The following TMC5 variants were observed in gnomAD, a reference collection of about 807,000 sequenced individuals.
The protein encoded by TMC5 is transmembrane channel-like protein 5.
A neutral mutation model predicts 110.5 loss-of-function variants in TMC5; 86 were observed. The ratio of observed to expected loss-of-function variants is 0.78; its 90% CI spans 0.65 to 0.93. The LOEUF (loss-of-function observed/expected upper bound fraction) is 0.93, where lower values mean the gene tolerates loss of function less well. Ranked by LOEUF, TMC5 falls within the 40% of genes least tolerant of loss-of-function variation. The pLI, the probability that TMC5 is intolerant of heterozygous loss-of-function variation, is 0.00. For synonymous variants in TMC5, 455 were observed against 439.5 expected, an observed-to-expected ratio of 1.04 and a Z score of -0.44; for missense variants, 1,144 against 1,222.8, an observed-to-expected ratio of 0.94 and a Z score of 0.96.
chr16:19,434,463 T>TATAGATAGATAG (rs370245128), intron 2 of TMC5, among the ~76,000 whole-genome samples: 2 of 63,932 alleles, frequency 3.1e-5, no homozygotes, highest in Non-Finnish European at 3.3e-5. Flanking sequence ...TATCTATATC[T>TATAGATAGATAG]ATAGATAGAT....
intron 1 of TMC5, among the ~76,000 whole-genome samples, chr16:19,422,146 G>T (rs1292307415): frequency 6.6e-6 from 1 of 151,880 alleles, no homozygotes. Context: ...CAGGAGAATT[G>T]CTTGAACCTG....
At chr16:19,461,400 C>T (rs1181405212) in intron 6 of TMC5, among the ~76,000 whole-genome samples, 1 of 151,928 alleles carries the variant, frequency 6.6e-6, no homozygotes, top group African/African-American at 2.4e-5. Flanking sequence ...ATGGTGAAAC[C>T]TTGTCTCTAC....
At chr16:19,489,345 A>G (rs769535456) in intron 17 of TMC5, among the ~76,000 whole-genome samples, 49 of 150,288 alleles carry the variant, frequency 3.3e-4, no homozygotes, top group Non-Finnish European at 5.6e-4. Flanking sequence ...TTTATTTTTT[A>G]TTTTTTTGAG....
Position 19,440,532 on chromosome 16 carries a change from G to C in TMC5, c.494G>C (p.Gly165Ala), listed in dbSNP as rs1413993148. 6.2e-7 allele frequency: 1 copy of C among 1,614,126 alleles called. No individual in the cohort carries two copies. The highest frequency in any genetic ancestry group is 2.2e-5 in the East Asian group (1 of 44,882). Reference protein sequence around the residue: ...HFGSLEPDYPGAQSNSDHPGP... With the variant: ...HFGSLEPDYPAAQSNSDHPGP... ...GGCTCCTTAGAACCGGACTACCCTG[G>C]AGCTCAGAGCAACTCTGATCATCCT... The change falls in exon 3 of 22, where the codon GGA becomes GCA. Residue 165 changes from glycine (G) to alanine (A), a missense_variant. Gly to Ala is a moderately conservative substitution (Grantham distance 60). Coordinates refer to ENST00000542583, the MANE Select transcript of TMC5 (RefSeq NM_001261841.2).
chr16:19,416,310 C>T (rs532999437), upstream of TMC5, among the ~76,000 whole-genome samples: 1 of 151,996 alleles, frequency 6.6e-6, no homozygotes, highest in South Asian at 2.1e-4. Flanking sequence ...CCATAGGAAA[C>T]AGATTTTGTT....
intron 4 of TMC5, among the ~76,000 whole-genome samples, chr16:19,449,006 CCG>C (rs1256892482): frequency 6.6e-6 from 1 of 151,152 alleles, no homozygotes; most frequent in Non-Finnish European, 1.5e-5. Flanking sequence ...CTACAGGCGC[CCG>C]CCACTACACC....
At chr16:19,457,743 T>TTTTTTTTTTTTA (rs1967922752) in intron 5 of TMC5, among the ~76,000 whole-genome samples, 1 of 122,648 alleles carries the variant, frequency 8.2e-6, no homozygotes, top group Non-Finnish European at 1.6e-5. Context: ...TTTTTTTTTT[T>TTTTTTTTTTTTA]GAGACAAAGT....
chr16:19,421,145 G>A (rs912840408), intron 1 of TMC5, among the ~76,000 whole-genome samples: 3 of 152,172 alleles, frequency 2.0e-5, no homozygotes, highest in African/African-American at 7.2e-5. Flanking sequence ...GGAGCCAAAA[G>A]CACAAAGCAG....
At chr16:19,477,172 TG>T in intron 12 of TMC5, 1 of 293,106 alleles carries the variant, frequency 3.4e-6, no homozygotes, top group East Asian at 1.2e-4. Context: ...GGCGTGAACC[TG>T]GGAGGCGGAT....
At chr16:19,427,138 C>T (rs965711298) in intron 1 of TMC5, among the ~76,000 whole-genome samples, 9 of 152,082 alleles carry the variant, frequency 5.9e-5, no homozygotes, top group African/African-American at 1.9e-4. Context: ...GTCAGATGCA[C>T]CCTCATCAAT....
At chr16:19,462,523 C>T (rs546278900) in intron 6 of TMC5, 482 of 702,032 alleles carry the variant, frequency 6.9e-4, no homozygotes, top group Non-Finnish European at 6.8e-4. Flanking sequence ...CTCACAATCA[C>T]GACAGAGGAC....
At chr16:19,486,042 A>C (rs1205642264) in intron 15 of TMC5, among the ~76,000 whole-genome samples, 1 of 152,118 alleles carries the variant, frequency 6.6e-6, no homozygotes, top group Non-Finnish European at 1.5e-5. Flanking sequence ...TCTCTATAAA[A>C]TCTCTTTTCC....
At chr16:19,431,556 AAAAG>A (rs1245305574) in intron 2 of TMC5, among the ~76,000 whole-genome samples, 3 of 151,732 alleles carry the variant, frequency 2.0e-5, no homozygotes, top group African/African-American at 4.8e-5. Context: ...AAAAAAAAAA[AAAAG>A]AAGAAGAAGA....
chr16:19,478,858 C>T (rs1257810296), intron 13 of TMC5, among the ~76,000 whole-genome samples: 1 of 152,092 alleles, frequency 6.6e-6, no homozygotes, highest in Non-Finnish European at 1.5e-5. Context: ...CAAAAGTTTC[C>T]TCTCCTCCTT....
intron 19 of TMC5, among the ~76,000 whole-genome samples, chr16:19,492,852 G>A (rs965850466): frequency 6.9e-6 from 1 of 145,438 alleles, no homozygotes; most frequent in Admixed American, 7.0e-5. Flanking sequence ...ACTCCATCTG[G>A]CTCCCTGGAT....
rs373330053 is a variant in TMC5, at chr16:19,440,457, C to T, written c.419C>T (p.Ser140Phe). ...CAACGAAATCCTGATTTTGCAGGCT[C>T]CAGCAGCAGTGGAAACTATGCAGGC... ...GSQRNPDFAGSSSSGNYAGSR... is the reference protein window; with the variant it reads ...GSQRNPDFAGFSSSGNYAGSR... The change falls in exon 3 of 22, where the codon TCC (serine) becomes TTC (phenylalanine). Residue 140 changes from serine (S) to phenylalanine (F), a missense_variant. Coordinates refer to ENST00000542583, the MANE Select transcript of TMC5 (RefSeq NM_001261841.2). 87 of 1,613,984 alleles carry T rather than the reference C, an allele frequency of 5.4e-5. No homozygotes were observed. The highest frequency in any genetic ancestry group is 6.4e-5 in the Non-Finnish European group (75 of 1,180,030).
At chr16:19,479,183 G>C (rs553775596) in intron 13 of TMC5, among the ~76,000 whole-genome samples, 18 of 152,274 alleles carry the variant, frequency 1.2e-4, no homozygotes, top group Middle Eastern at 3.4e-3. Flanking sequence ...TCATGAACAG[G>C]GAAAGTTTGG....
At chr16:19,493,466 T>TCTCTCTC (rs563230178) in intron 19 of TMC5, among the ~76,000 whole-genome samples, 1 of 124,492 alleles carries the variant, frequency 8.0e-6, no homozygotes, top group African/African-American at 3.8e-5. Context: ...TCTCTCTCTC[T>TCTCTCTC]TTTTTTTTTT....
At chr16:19,461,792 A>G (rs1003732710) in intron 6 of TMC5, among the ~76,000 whole-genome samples, 1 of 152,072 alleles carries the variant, frequency 6.6e-6, no homozygotes, top group Non-Finnish European at 1.5e-5. Context: ...TGATTCATGG[A>G]TGTAGGATTT....
Sources: allele counts gnomAD v4.1 joint callset (sites outside exome capture counted in the v4.1 genomes callset), GRCh38; gene constraint gnomAD v4.1.1; transcripts MANE v1.5; gene names NCBI Gene and HGNC (gene_info 2026-07-23, HGNC 2026-07-21).